Variants in ARHGAP26 observed in about 807,000 individuals in gnomAD.
The protein encoded by ARHGAP26 is rho GTPase-activating protein 26.
ARHGAP26 carries 38 observed loss-of-function variants against 104.8 expected under a neutral mutation model. That is an observed-to-expected ratio of 0.36 (90% CI 0.28 to 0.48). The LOEUF is 0.48. Among genes scored for constraint, ARHGAP26 ranks in the 20% least tolerant of loss-of-function variants. The pLI, the probability that ARHGAP26 is intolerant of heterozygous loss-of-function variation, is 0.99. For synonymous variants in ARHGAP26, 341 were observed against 340.0 expected (o/e 1.00, Z -0.03); for missense variants, 704 against 947.9 (o/e 0.74, Z 3.38).
intron 20 of ARHGAP26, chr5:143,192,720 T>A (rs1806127503): frequency 6.6e-6 from 1 of 152,118 alleles, no homozygotes; most frequent in Non-Finnish European, 1.5e-5. Flanking sequence ...GGGAAAAAAA[T>A]GGAAGTCATA....
intron 20 of ARHGAP26, chr5:143,170,412 A>G (rs557628632): frequency 2.6e-5 from 4 of 152,328 alleles, no homozygotes; most frequent in African/African-American, 7.2e-5. Context: ...TCCAAAACCT[A>G]TGAGTTTGGA....
In ARHGAP26 at chr5:142,954,859, A is replaced by G. The variant is rs150147470; in HGVS notation, c.1107+22734A>G. On this transcript the variant is annotated intron_variant, in intron 11 of 22. Coordinates refer to ENST00000645722, the MANE Select transcript of ARHGAP26 (RefSeq NM_001135608.3). ...AATGTGCAGTATACCTTTTACTGAG[A>G]TATTTGGTGTAGGGCCAGTTCCTGC... 4.9e-3 allele frequency among the ~76,000 whole-genome samples: 751 copies of G among 152,280 alleles called. 6 individuals carry two copies. Among genetic ancestry groups the G allele is most frequent in the Non-Finnish European group, 8.2e-3 (558 of 68,016 alleles).
chr5:142,931,714 G>C (rs1374611034), intron 10 of ARHGAP26, among the ~76,000 whole-genome samples: 2 of 152,072 alleles, frequency 1.3e-5, no homozygotes, highest in African/African-American at 4.8e-5. Flanking sequence ...AAAATACTCT[G>C]TTAAGCGTTT....
intron 18 of ARHGAP26, among the ~76,000 whole-genome samples, chr5:143,126,364 T>C (rs1197664689): frequency 1.3e-5 from 2 of 152,212 alleles, no homozygotes; most frequent in African/African-American, 2.4e-5. Context: ...CTAAGGGTCC[T>C]GAAAACTATA....
chr5:143,070,280 T>C (rs1170628098), intron 17 of ARHGAP26, among the ~76,000 whole-genome samples: 1 of 152,240 alleles, frequency 6.6e-6, no homozygotes, highest in Non-Finnish European at 1.5e-5. Flanking sequence ...TGAGCTTCCC[T>C]TCCAAATGTT....
At chr5:142,940,114 G>A (rs1319045540) in intron 11 of ARHGAP26, among the ~76,000 whole-genome samples, 1 of 152,214 alleles carries the variant, frequency 6.6e-6, no homozygotes, top group African/African-American at 2.4e-5. Context: ...CCTTTGCTAT[G>A]ATGCATCCCA....
At chr5:143,056,158 C>A in intron 16 of ARHGAP26, 72 bp downstream of exon 16, 1 of 1,282,178 alleles carries the variant, frequency 7.8e-7, no homozygotes, top group Non-Finnish European at 1.1e-6. Context: ...GTCAGTATCC[C>A]AAAATAAATA....
chr5:142,873,515 A>G lies in ARHGAP26; in HGVS notation c.250+20A>G. ...GTATAGGTAAGTCATAACTGTGCAG[A>G]AGATAAAAATGTTCATTGTTTGTCA... On this transcript the variant is annotated intron_variant, in intron 2 of 22. Transcript: ENST00000645722. 1 of 1,489,936 alleles carries G rather than the reference A, an allele frequency of 6.7e-7. No individual in the cohort carries two copies. Among genetic ancestry groups the G allele is most frequent in the Non-Finnish European group, 9.0e-7 (1 of 1,109,540 alleles). 92.3% of individuals were successfully genotyped at this position (1,489,936 alleles called of 1,614,324 possible).
chr5:142,879,070 C>T (rs1263957937), intron 3 of ARHGAP26, among the ~76,000 whole-genome samples: 1 of 152,170 alleles, frequency 6.6e-6, no homozygotes, highest in Admixed American at 6.5e-5. Context: ...ACTTAGACCC[C>T]ACTCTTTTAC....
chr5:143,203,074 AT>A (rs1241427016), intron 20 of ARHGAP26: 1 of 152,246 alleles, frequency 6.6e-6, no homozygotes, highest in Admixed American at 6.5e-5. Context: ...AGATTGACAA[AT>A]GTGATCTAAT....
chr5:142,974,935 T>C (rs1057188644), intron 11 of ARHGAP26, among the ~76,000 whole-genome samples: 6 of 152,188 alleles, frequency 3.9e-5, no homozygotes, highest in African/African-American at 1.4e-4. Context: ...TCATTCCACC[T>C]GAAGAGTGGG....
At position 143,106,906 on chromosome 5, in the gene ARHGAP26, G is replaced by A. The variant is rs192558462; in HGVS notation, c.1539-14082G>A. On this transcript the variant is annotated intron_variant, in intron 17 of 22. Coordinates refer to ENST00000645722, the MANE Select transcript of ARHGAP26 (RefSeq NM_001135608.3). ...AGGCTGTAGACTTCTGGACTGCACT[G>A]TTTGATTAATGGGCTCAGCTCACAG... is the stretch of plus-strand genomic sequence containing the variant. Among the ~76,000 whole-genome samples the A allele has an allele frequency of 1.8e-4, 27 of 152,320 alleles. No homozygotes were observed. The East Asian group carries it at 4.8e-3, about 27-fold the overall frequency.
chr5:142,969,608 T>A (rs1285443282), intron 11 of ARHGAP26, among the ~76,000 whole-genome samples: 1 of 152,228 alleles, frequency 6.6e-6, no homozygotes, highest in Non-Finnish European at 1.5e-5. Context: ...TTCGTTTAAC[T>A]GAATTAGCAG....
chr5:142,948,171 A>G (rs1271553401), intron 11 of ARHGAP26, among the ~76,000 whole-genome samples: 1 of 152,014 alleles, frequency 6.6e-6, no homozygotes, highest in Non-Finnish European at 1.5e-5. Flanking sequence ...TCCTTTTCTT[A>G]GTAATTTTTA....
At chr5:142,795,664 C>T (rs758019682) in intron 1 of ARHGAP26, among the ~76,000 whole-genome samples, 11 of 152,160 alleles carry the variant, frequency 7.2e-5, no homozygotes, top group East Asian at 1.9e-4. Context: ...TACAATTTAT[C>T]GCCTATCAAG....
intron 11 of ARHGAP26, among the ~76,000 whole-genome samples, chr5:142,950,483 C>G (rs984958832): frequency 6.6e-6 from 1 of 151,534 alleles, no homozygotes; most frequent in Non-Finnish European, 1.5e-5. Flanking sequence ...TGTTCTTTTT[C>G]CTAAACAACT....
chr5:142,882,306 A>G (rs1399320327), intron 4 of ARHGAP26, among the ~76,000 whole-genome samples: 4 of 152,224 alleles, frequency 2.6e-5, no homozygotes, highest in Non-Finnish European at 5.9e-5. Flanking sequence ...CTCCTATCAA[A>G]TGCTTAAAAC....
At chr5:143,155,146 G>A (rs562086251) in intron 20 of ARHGAP26, among the ~76,000 whole-genome samples, 35 of 152,232 alleles carry the variant, frequency 2.3e-4, no homozygotes, top group South Asian at 6.2e-4. Context: ...TAACCTGAAC[G>A]CCTCATTGTT....
Position 143,103,793 on chromosome 5 carries a change from CAG to C in ARHGAP26, c.1539-17194_1539-17193del, listed in dbSNP as rs765499661. On this transcript the variant is annotated intron_variant, in intron 17 of 22. Coordinates refer to ENST00000645722, the MANE Select transcript of ARHGAP26 (RefSeq NM_001135608.3). ...GGGCACAGCATACACCGGGACCTAA[CAG>C]GGGGTAGGGGGAAGAGGAGGATAAC... Among the ~76,000 whole-genome samples the C allele has an allele frequency of 8.4e-4, 128 of 152,148 alleles. 1 individual carries two copies. Among genetic ancestry groups the C allele is most frequent in the Non-Finnish European group, 1.4e-3 (98 of 67,994 alleles).
Sources: gnomAD v4.1 joint callset for allele counts (sites outside exome capture counted in the v4.1 genomes callset) on GRCh38, gnomAD v4.1.1 for gene constraint, MANE v1.5 for transcripts, NCBI Gene and HGNC (gene_info 2026-07-23, HGNC 2026-07-21) for gene names.